Variants in CDK5RAP2 observed in about 807,000 individuals in gnomAD.
CDK5RAP2 encodes the protein CDK5 regulatory subunit-associated protein 2.
A neutral mutation model predicts 232.9 loss-of-function variants in CDK5RAP2; 147 were observed. The ratio of observed to expected loss-of-function variants is 0.63; its 90% CI spans 0.55 to 0.72. The LOEUF is 0.72. Among genes scored for constraint, CDK5RAP2 ranks in the 30% least tolerant of loss-of-function variants. CDK5RAP2 has a pLI of 0.00. For missense variants in CDK5RAP2, 2,195 were observed against 2,231.5 expected, an observed-to-expected ratio of 0.98 and a Z score of 0.33; for synonymous variants, 833 against 833.7, an observed-to-expected ratio of 1.00 and a Z score of 0.01.
intron 12 of CDK5RAP2, among the ~76,000 whole-genome samples, chr9:120,506,000 GT>G (rs2039792288): frequency 6.6e-6 from 1 of 152,190 alleles, no homozygotes; most frequent in African/African-American, 2.4e-5. Context: ...CACTAAACAG[GT>G]TTTCAATGCA....
chr9:120,568,291 T>C (rs964449015), intron 3 of CDK5RAP2, 30 bp downstream of exon 3: 3 of 1,549,004 alleles, frequency 1.9e-6, no homozygotes, highest in African/African-American at 2.7e-5. Flanking sequence ...CACAATTTGT[T>C]GGGGGCAGTA....
chr9:120,525,104 C>T, intron 10 of CDK5RAP2, 26 bp from the exon 11 acceptor site: 2 of 1,561,396 alleles, frequency 1.3e-6, no homozygotes, highest in Non-Finnish European at 1.8e-6. Context: ...GAATACCAGC[C>T]AAGTATGTAA....
intron 4 of CDK5RAP2, among the ~76,000 whole-genome samples, chr9:120,546,986 CGTTTTTT>C (rs1243424408): frequency 2.8e-5 from 1 of 36,054 alleles, no homozygotes; most frequent in Non-Finnish European, 1.4e-4. Flanking sequence ...TTTGTTTTTT[CGTTTTTT>C]TTGTTTTTTT....
intron 7 of CDK5RAP2, among the ~76,000 whole-genome samples, chr9:120,533,090 C>T (rs930265377): frequency 3.3e-5 from 5 of 152,164 alleles, no homozygotes; most frequent in African/African-American, 9.7e-5. Flanking sequence ...CCTCCCCATT[C>T]CACGCCCAGG....
chr9:120,424,038 C>T (rs556046221), intron 25 of CDK5RAP2, among the ~76,000 whole-genome samples: 12 of 152,302 alleles, frequency 7.9e-5, no homozygotes, highest in African/African-American at 2.6e-4. Flanking sequence ...GCCTGAGTGA[C>T]CAGGCACCAG....
chr9:120,510,071 C>T (rs1460418715), intron 12 of CDK5RAP2, among the ~76,000 whole-genome samples: 1 of 152,180 alleles, frequency 6.6e-6, no homozygotes, highest in Admixed American at 6.5e-5. Context: ...CCTGTAGAGA[C>T]ACTGTCTCCA....
intron 12 of CDK5RAP2, among the ~76,000 whole-genome samples, chr9:120,513,654 C>A (rs1277599447): frequency 1.3e-5 from 2 of 152,208 alleles, no homozygotes; most frequent in Non-Finnish European, 2.9e-5. Flanking sequence ...CAAGCCACTT[C>A]CTTTCTCTGT....
At chr9:120,397,546 AAAAAAAAAAAAAAAAAAAAG>A (rs1158512402) in intron 35 of CDK5RAP2, among the ~76,000 whole-genome samples, 1 of 114,434 alleles carries the variant, frequency 8.7e-6, no homozygotes, top group Non-Finnish European at 1.7e-5. Context: ...AACATTCTTA[AAAAAAAAAAAAAAAAAAAAG>A]AAAAAAGAAA....
intron 23 of CDK5RAP2, among the ~76,000 whole-genome samples, 180 bp downstream of exon 23, chr9:120,443,440 C>T (rs1325572646): frequency 6.6e-6 from 1 of 152,236 alleles, no homozygotes; most frequent in Non-Finnish European, 1.5e-5. Context: ...CTCCTACTTA[C>T]CAGCTGGGTG....
At chr9:120,525,976 C>T (rs558603103) in intron 10 of CDK5RAP2, among the ~76,000 whole-genome samples, 1 of 152,354 alleles carries the variant, frequency 6.6e-6, no homozygotes, top group South Asian at 2.1e-4. Context: ...ATCATTCAAA[C>T]TCCTTAGCAA....
At chr9:120,512,170 A>G (rs1282737038) in intron 12 of CDK5RAP2, among the ~76,000 whole-genome samples, 1 of 152,168 alleles carries the variant, frequency 6.6e-6, no homozygotes, top group Non-Finnish European at 1.5e-5. Flanking sequence ...GCAACATAGC[A>G]AAACCCTTTC....
chr9:120,507,952 T>C (rs1476835198), intron 12 of CDK5RAP2, among the ~76,000 whole-genome samples: 2 of 124,750 alleles, frequency 1.6e-5, no homozygotes, highest in Admixed American at 8.9e-5. Context: ...AATATATATA[T>C]ATATATATAT....
At chr9:120,536,306 A>C in intron 7 of CDK5RAP2, 66 bp downstream of exon 7, 1 of 1,560,150 alleles carries the variant, frequency 6.4e-7, no homozygotes, top group Non-Finnish European at 8.8e-7. Context: ...GAATAAAAGG[A>C]AACAATTCTT....
At chr9:120,554,924 C>T (rs189822474) in intron 3 of CDK5RAP2, among the ~76,000 whole-genome samples, 36 of 151,800 alleles carry the variant, frequency 2.4e-4, no homozygotes, top group Admixed American at 5.2e-4. Context: ...TGAGTCACCA[C>T]GCTCAGCCTC....
At chr9:120,571,952 A>T (rs2042870245) in intron 2 of CDK5RAP2, 22 bp downstream of exon 2, 1 of 1,592,654 alleles carries the variant, frequency 6.3e-7, no homozygotes, top group Middle Eastern at 1.7e-4. Context: ...ACTCAAGAGA[A>T]TGCCTGGTTT....
intron 12 of CDK5RAP2, among the ~76,000 whole-genome samples, chr9:120,511,699 C>A (rs1181600909): frequency 2.0e-5 from 3 of 151,562 alleles, no homozygotes; most frequent in Admixed American, 2.0e-4. Context: ...AATTGTAAGT[C>A]CCCCTCTTTA....
chr9:120,470,797 G>T lies in CDK5RAP2; in HGVS notation c.1859-577C>A, dbSNP rs571942981. On this transcript the variant is annotated intron_variant, in intron 16 of 37. Coordinates refer to ENST00000349780, the MANE Select transcript of CDK5RAP2 (RefSeq NM_018249.6). ...GCAAAGGTCAATTCTAATAGGAAGG[G>T]GAGAAGTGGGGGGCGGGGGGAAGAT... Among the ~76,000 whole-genome samples, 9 of 151,632 alleles carry T rather than the reference G, an allele frequency of 5.9e-5. No homozygotes were observed. The South Asian group carries it at 1.7e-3, about 28-fold the overall frequency.
chr9:120,470,249 G>T, intron 16 of CDK5RAP2, 29 bp from the exon 17 acceptor site: 1 of 1,058,080 alleles, frequency 9.5e-7, no homozygotes, highest in Non-Finnish European at 1.4e-6. Context: ...AAAAAGGTGG[G>T]GAGGGGGAGG....
At chr9:120,458,300 A>T in intron 20 of CDK5RAP2, 150 bp downstream of exon 20, 1 of 762,640 alleles carries the variant, frequency 1.3e-6, no homozygotes, top group Non-Finnish European at 2.2e-6. Context: ...CTAATTACTT[A>T]ATTTCATGAC....
Sources: allele counts gnomAD v4.1 joint callset (sites outside exome capture counted in the v4.1 genomes callset), GRCh38; gene constraint gnomAD v4.1.1; transcripts MANE v1.5; gene names NCBI Gene and HGNC (gene_info 2026-07-23, HGNC 2026-07-21).